The following SERPINB12 variants were observed in gnomAD, a reference collection of about 807,000 sequenced individuals.
SERPINB12 encodes serpin family B member 12, also known as serpin B12.
In SERPINB12, 57 loss-of-function variants were observed where a neutral mutation model predicts 41.1. The observed-to-expected ratio is 1.39, with a 90% CI of 1.12 to 1.73. SERPINB12 has a LOEUF of 1.73. Among genes scored for constraint, SERPINB12 ranks in the 40% most tolerant of loss-of-function variants. The probability of loss-of-function intolerance (pLI) is 0.00; values close to 1 mark genes in which losing one functional copy is unlikely to be tolerated. For synonymous variants in SERPINB12, 180 were observed against 181.3 expected, an observed-to-expected ratio of 0.99 and a Z score of 0.06; for missense variants, 536 against 501.9, an observed-to-expected ratio of 1.07 and a Z score of -0.65.
the SERPINB12 span, among the ~76,000 whole-genome samples, chr18:63,534,654 C>G: frequency 2.0e-5 from 3 of 152,062 alleles, 1 homozygote; most frequent in Admixed American, 2.0e-4. Context: ...TAGGAGAAAC[C>G]GGATCAAGCA....
At chr18:63,525,316 T>A in the SERPINB12 span, among the ~76,000 whole-genome samples, 1 of 152,164 alleles carries the variant, frequency 6.6e-6, no homozygotes. Context: ...CAGAATTGTA[T>A]ATACTAATTA....
chr18:63,559,440 C>T (rs1910824118), intron 3 of SERPINB12, 138 bp from the exon 4 acceptor site: 1 of 818,326 alleles, frequency 1.2e-6, no homozygotes, highest in South Asian at 1.8e-5. Context: ...GCTCACTTCC[C>T]CCAGCATGGT....
At position 63,566,591 on chromosome 18, in the gene SERPINB12, T is replaced by C. The variant is rs780254213; in HGVS notation, c.874-16T>C. 5.7e-6 allele frequency: 9 copies of C among 1,581,832 alleles called. No individual in the cohort carries two copies. Among genetic ancestry groups the C allele is most frequent in the Non-Finnish European group, 7.7e-6 (9 of 1,167,998 alleles). Reference sequence around the variant, plus strand: ...CCCATAATCTGATGCTAAATATTATTTCCTTCCTCTTGTAGCTTGAAAGGA... The same window carrying C: ...CCCATAATCTGATGCTAAATATTATCTCCTTCCTCTTGTAGCTTGAAAGGA... On this transcript the variant is annotated splice_polypyrimidine_tract_variant and intron_variant, in intron 7 of 7. Coordinates refer to ENST00000382768, the MANE Select transcript of SERPINB12 (RefSeq NM_001307928.2).
At chr18:63,562,559 T>A (rs1910948479) in intron 5 of SERPINB12, among the ~76,000 whole-genome samples, 1 of 152,200 alleles carries the variant, frequency 6.6e-6, no homozygotes, top group Non-Finnish European at 1.5e-5. Context: ...CTCCTCTTTT[T>A]CTCACACTGA....
At chr18:63,562,615 C>T (rs1171470684) in intron 5 of SERPINB12, among the ~76,000 whole-genome samples, 1 of 152,122 alleles carries the variant, frequency 6.6e-6, no homozygotes, top group African/African-American at 2.4e-5. Flanking sequence ...GGAGAAGTCT[C>T]TAAATTCCAA....
chr18:63,558,559 T>A, intron 3 of SERPINB12, 73 bp downstream of exon 3: 4 of 1,470,264 alleles, frequency 2.7e-6, no homozygotes, highest in Non-Finnish European at 3.6e-6. Context: ...GGATATTTGG[T>A]GATAGTTGCT....
chr18:63,537,326 G>A, the SERPINB12 span, among the ~76,000 whole-genome samples: 2 of 152,130 alleles, frequency 1.3e-5, no homozygotes, highest in Non-Finnish European at 2.9e-5. Flanking sequence ...TCTGACCTGT[G>A]TGTTTCTAGT....
chr18:63,543,899 G>A lies in SERPINB12; in HGVS notation c.-19+1407G>A, dbSNP rs528195033. 3.2e-4 allele frequency among the ~76,000 whole-genome samples: 49 copies of A among 152,312 alleles called. 1 individual carries two copies. Among genetic ancestry groups the A allele is most frequent in the African/African-American group, 1.2e-3 (48 of 41,558 alleles). On this transcript the variant is annotated intron_variant, in intron 1 of 7. Transcript: ENST00000382768. ...CCTAATGTGCTGGGTTTACAGGTGTGAGCCACTGCGCCCGGGCAAAATGTA... is the reference window on the plus strand; with the variant it reads ...CCTAATGTGCTGGGTTTACAGGTGTAAGCCACTGCGCCCGGGCAAAATGTA...
At chr18:63,558,903 A>T (rs1910771183) in intron 3 of SERPINB12, among the ~76,000 whole-genome samples, 1 of 152,120 alleles carries the variant, frequency 6.6e-6, no homozygotes. Context: ...TGGTTGCCTC[A>T]TGCCAGGAGG....
Position 63,565,476 on chromosome 18 carries a change from A to C in SERPINB12, c.737A>C (p.Gln246Pro). The C allele has an allele frequency of 6.2e-7, 1 of 1,613,654 alleles. No homozygotes were observed. Residue 246 changes from glutamine (Q) to proline (P), a missense_variant, in exon 7 of 8, where the codon CAA becomes CCA. Coordinates refer to ENST00000382768, the MANE Select transcript of SERPINB12 (RefSeq NM_001307928.2). ...NENKSVKMMT[Q>P]KGLYRIGFIE... Reference sequence around the variant, plus strand: ...AACAAGAGTGTGAAGATGATGACGCAAAAAGGCCTCTACAGAATTGGCTTC... The same window carrying C: ...AACAAGAGTGTGAAGATGATGACGCCAAAAGGCCTCTACAGAATTGGCTTC...
In SERPINB12 at chr18:63,567,749, C is replaced by G; in HGVS notation, c.*738C>G. On this transcript the variant is annotated 3_prime_UTR_variant, in exon 8 of 8. Coordinates refer to ENST00000382768, the MANE Select transcript of SERPINB12 (RefSeq NM_001307928.2). ...CAGTTTTCCTTATTGAGTCCCCCAA[C>G]ATTATCATCAAACACTTCCCTCTGT... Among the ~76,000 whole-genome samples, 1 of 152,238 alleles carries G rather than the reference C, an allele frequency of 6.6e-6. No homozygotes were observed. The highest frequency in any genetic ancestry group is 2.1e-4 in the South Asian group (1 of 4,828).
chr18:63,565,404 TC>T (rs752850666), intron 6 of SERPINB12, 40 bp from the exon 7 acceptor site: 1 of 1,577,586 alleles, frequency 6.3e-7, no homozygotes, highest in East Asian at 2.3e-5. Context: ...TTTGGGAGTT[TC>T]CCATAGCCGT....
the SERPINB12 span, among the ~76,000 whole-genome samples, chr18:63,529,119 C>G: frequency 1.3e-5 from 2 of 152,218 alleles, no homozygotes; most frequent in African/African-American, 4.8e-5. Context: ...GGAAAATTCT[C>G]TAAATAAAAA....
In SERPINB12 at chr18:63,565,594, C is replaced by T; in HGVS notation, c.855C>T (p.Asn285=). Residue 285 remains asparagine, a synonymous_variant, in exon 7 of 8, where the codon AAC becomes AAT. Coordinates refer to ENST00000382768, the MANE Select transcript of SERPINB12 (RefSeq NM_001307928.2). The part of the protein sequence containing the change: ...FVLLPSHSKD[N]LKGLEELERK... ...TGCTGCCATCTCACTCTAAAGATAA[C>T]CTGAAGGGTCTGGAAGAGGTAAATC... The T allele has an allele frequency of 6.2e-7, 1 of 1,613,210 alleles. No homozygotes were observed. The highest frequency in any genetic ancestry group is 8.5e-7 in the Non-Finnish European group (1 of 1,179,682).
Position 63,555,438 on chromosome 18 carries a change from C to T in SERPINB12, c.-18-704C>T, listed in dbSNP as rs369245427. Among the ~76,000 whole-genome samples, 6 of 152,250 alleles carry T rather than the reference C, an allele frequency of 3.9e-5. No homozygotes were observed. In the East Asian group the frequency reaches 9.7e-4, roughly 25 times the overall value. ...CTAACTTGATAATAAGAATGTTAGC[C>T]TTTGGCTTCATTTTACGTGAATACA... On this transcript the variant is annotated intron_variant, in intron 1 of 7. Coordinates refer to ENST00000382768, the MANE Select transcript of SERPINB12 (RefSeq NM_001307928.2).
At chr18:63,561,031 G>A (rs1337487794) in intron 4 of SERPINB12, 54 bp from the exon 5 acceptor site, 12 of 1,160,180 alleles carry the variant, frequency 1.0e-5, no homozygotes, top group South Asian at 1.3e-5. Context: ...TCCTAACTAC[G>A]AGCATCACTG....
the SERPINB12 span, among the ~76,000 whole-genome samples, chr18:63,529,781 T>A: frequency 6.6e-6 from 1 of 152,048 alleles, no homozygotes; most frequent in East Asian, 1.9e-4. Flanking sequence ...AAAAATAAAA[T>A]AATTTATCAT....
the SERPINB12 span, among the ~76,000 whole-genome samples, chr18:63,528,424 A>AAATC: frequency 3.3e-5 from 5 of 151,588 alleles, no homozygotes; most frequent in Admixed American, 6.6e-5. Flanking sequence ...ATAAATAAAT[A>AAATC]AATCCTATAA....
At chr18:63,559,538 A>G (rs1222440545) in intron 3 of SERPINB12, 40 bp from the exon 4 acceptor site, 1 of 1,607,978 alleles carries the variant, frequency 6.2e-7, no homozygotes, top group African/African-American at 1.3e-5. Context: ...CTCTTCTGAT[A>G]GACACAGTGA....
Sources: gnomAD v4.1 joint callset for allele counts (sites outside exome capture counted in the v4.1 genomes callset) on GRCh38, gnomAD v4.1.1 for gene constraint, MANE v1.5 for transcripts, NCBI Gene and HGNC (gene_info 2026-07-23, HGNC 2026-07-21) for gene names.